The following CSMD1 variants were observed in gnomAD, a reference collection of about 807,000 sequenced individuals.
The protein encoded by CSMD1 is CUB and Sushi multiple domains 1, also known as CUB and sushi domain-containing protein 1.
Under a neutral mutation model 417.5 loss-of-function variants are expected in CSMD1, and 213 were observed. The ratio of observed to expected loss-of-function variants is 0.51; its 90% CI spans 0.46 to 0.57. The LOEUF is 0.57. Ranked by LOEUF, CSMD1 falls within the 20% of genes least tolerant of loss-of-function variation. CSMD1 has a pLI of 0.00. For synonymous variants in CSMD1, 2,862 were observed against 1,736.8 expected, an observed-to-expected ratio of 1.65 and a Z score of -16.11; for missense variants, 6,923 against 4,529.7, an observed-to-expected ratio of 1.53 and a Z score of -15.17.
intron 22 of CSMD1, among the ~76,000 whole-genome samples, chr8:3,346,037 G>C (rs1215554934): frequency 6.6e-6 from 1 of 152,090 alleles, no homozygotes; most frequent in East Asian, 1.9e-4. Flanking sequence ...CACAGTATGT[G>C]CGAAGGATCA....
intron 26 of CSMD1, among the ~76,000 whole-genome samples, chr8:3,276,336 A>C (rs1226970008): frequency 6.6e-6 from 1 of 152,156 alleles, no homozygotes; most frequent in Non-Finnish European, 1.5e-5. Context: ...GCTCAGATGG[A>C]AATGCAGAAA....
intron 54 of CSMD1, among the ~76,000 whole-genome samples, chr8:2,986,156 T>A (rs1173051032): frequency 1.3e-5 from 2 of 152,200 alleles, no homozygotes; most frequent in Non-Finnish European, 2.9e-5. Flanking sequence ...TTATTGTAAT[T>A]GACAATTGTA....
chr8:4,302,879 G>A lies in CSMD1; in HGVS notation c.415+117074C>T, dbSNP rs141423332. Among the ~76,000 whole-genome samples, 217 of 152,026 alleles carry A rather than the reference G, an allele frequency of 1.4e-3. 1 individual carries two copies. The highest frequency in any genetic ancestry group is 5.1e-3 in the African/African-American group (210 of 41,456). On this transcript the variant is annotated intron_variant, in intron 3 of 69. Coordinates refer to ENST00000635120, the MANE Select transcript of CSMD1 (RefSeq NM_033225.6). ...AGGCAGGACCAGCAGTTTAAATGTT[G>A]GCCTCCATGCTGATTCATATTAACT...
At chr8:3,257,557 TTGG>T (rs938129442) in intron 26 of CSMD1, among the ~76,000 whole-genome samples, 17 of 152,050 alleles carry the variant, frequency 1.1e-4, no homozygotes, top group African/African-American at 3.9e-4. Flanking sequence ...TGGGGGGCAG[TTGG>T]TGGTGATTTC....
intron 2 of CSMD1, among the ~76,000 whole-genome samples, chr8:4,564,834 C>T (rs181162409): frequency 9.1e-4 from 138 of 152,310 alleles, no homozygotes; most frequent in African/African-American, 2.6e-3. Context: ...CTGTGGGATG[C>T]GTCCAGCATT....
intron 2 of CSMD1, among the ~76,000 whole-genome samples, chr8:4,494,857 TCTACCTGAAACA>T (rs1347528919): frequency 6.6e-6 from 1 of 152,092 alleles, no homozygotes; most frequent in African/African-American, 2.4e-5. Context: ...AGGTAGCAAT[TCTACCTGAAACA>T]TGGAAACAAA....
intron 5 of CSMD1, among the ~76,000 whole-genome samples, chr8:3,907,845 T>A (rs1808213366): frequency 6.6e-6 from 1 of 152,220 alleles, no homozygotes; most frequent in East Asian, 1.9e-4. Flanking sequence ...TCATCAACTC[T>A]GTGCTCTGCG....
chr8:4,253,537 A>G (rs1011098116), intron 3 of CSMD1, among the ~76,000 whole-genome samples: 1 of 152,188 alleles, frequency 6.6e-6, no homozygotes, highest in Admixed American at 6.5e-5. Context: ...GAAAAGGATG[A>G]TGTTATTTAA....
chr8:3,594,813 G>C (rs1016979632), intron 8 of CSMD1, among the ~76,000 whole-genome samples: 3 of 152,146 alleles, frequency 2.0e-5, no homozygotes, highest in Non-Finnish European at 4.4e-5. Context: ...AGGGAACCGC[G>C]GTGTGTCATT....
chr8:4,037,255 T>G (rs911868692), intron 3 of CSMD1, among the ~76,000 whole-genome samples: 1 of 152,244 alleles, frequency 6.6e-6, no homozygotes, highest in Non-Finnish European at 1.5e-5. Context: ...AACTTTACTT[T>G]TGTTTATATC....
intron 26 of CSMD1, among the ~76,000 whole-genome samples, chr8:3,266,553 C>T (rs970976469): frequency 2.1e-5 from 3 of 144,280 alleles, no homozygotes; most frequent in South Asian, 2.2e-4. Context: ...TTGCAGTGAG[C>T]CGAGATCATG....
intron 1 of CSMD1, among the ~76,000 whole-genome samples, chr8:4,979,141 T>C (rs576579477): frequency 6.6e-6 from 1 of 152,300 alleles, no homozygotes; most frequent in African/African-American, 2.4e-5. Flanking sequence ...TCTCTAATTG[T>C]ATTCAAGCTA....
intron 6 of CSMD1, among the ~76,000 whole-genome samples, chr8:3,709,587 G>A (rs9285037): frequency 0.89 from 134,954 of 151,164 alleles, 60,674 homozygotes; most frequent in East Asian, 0.99. Flanking sequence ...GCCTGGTCCA[G>A]TCAGATGAAG....
chr8:4,161,975 C>A (rs527771406), intron 3 of CSMD1, among the ~76,000 whole-genome samples: 2 of 152,184 alleles, frequency 1.3e-5, no homozygotes, highest in Admixed American at 6.5e-5. Context: ...AAATTAATTT[C>A]TTTATGGTGG....
chr8:4,697,145 C>T (rs974973850), intron 1 of CSMD1, among the ~76,000 whole-genome samples: 1 of 152,060 alleles, frequency 6.6e-6, no homozygotes, highest in Admixed American at 6.5e-5. Flanking sequence ...GCACTACAGC[C>T]TGGGCAACAG....
chr8:3,296,006 C>T (rs1480884742), intron 25 of CSMD1, among the ~76,000 whole-genome samples: 1 of 152,054 alleles, frequency 6.6e-6, no homozygotes, highest in South Asian at 2.1e-4. Flanking sequence ...CAAACCACAG[C>T]ATCCACAATA....
At chr8:4,894,539 C>A (rs911928498) in intron 1 of CSMD1, among the ~76,000 whole-genome samples, 1 of 130,802 alleles carries the variant, frequency 7.6e-6, no homozygotes, top group East Asian at 2.2e-4. Flanking sequence ...GGGACAACAG[C>A]GAGAACTCAT....
At chr8:4,174,691 G>C (rs546348939) in intron 3 of CSMD1, among the ~76,000 whole-genome samples, 11 of 133,518 alleles carry the variant, frequency 8.2e-5, no homozygotes, top group Admixed American at 2.3e-4. Flanking sequence ...AAAGAAAAAA[G>C]GTGTCTAGAA....
At chr8:3,739,859 G>T (rs747934679) in intron 6 of CSMD1, among the ~76,000 whole-genome samples, 1 of 152,114 alleles carries the variant, frequency 6.6e-6, no homozygotes, top group Admixed American at 6.6e-5. Context: ...AATTAAAAAA[G>T]CAGGGAAGTT....
Sources: gnomAD v4.1 joint callset for allele counts (sites outside exome capture counted in the v4.1 genomes callset) on GRCh38, gnomAD v4.1.1 for gene constraint, MANE v1.5 for transcripts, NCBI Gene and HGNC (gene_info 2026-07-23, HGNC 2026-07-21) for gene names.